Variants in CD109 observed in about 807,000 individuals in gnomAD.
CD109 encodes CD109 molecule.
Under a neutral mutation model 165.8 loss-of-function variants are expected in CD109, and 149 were observed. That is an observed-to-expected ratio of 0.90 (90% CI 0.79 to 1.03). The LOEUF is 1.03. Among genes scored for constraint, CD109 ranks in the 50% least tolerant of loss-of-function variants. CD109 has a pLI of 0.00. For synonymous variants in CD109, 585 were observed against 592.1 expected (o/e 0.99, Z 0.18); for missense variants, 1,712 against 1,677.8 (o/e 1.02, Z -0.36).
upstream of CD109, among the ~76,000 whole-genome samples, chr6:73,692,736 A>G (rs1304126769): frequency 6.6e-6 from 1 of 152,116 alleles, no homozygotes; most frequent in Admixed American, 6.6e-5. Flanking sequence ...GGTCTTTCCC[A>G]TGCTTTTCTT....
intron 26 of CD109, among the ~76,000 whole-genome samples, chr6:73,808,744 C>CA (rs1775657338): frequency 6.6e-6 from 1 of 150,976 alleles, no homozygotes; most frequent in Non-Finnish European, 1.5e-5. Flanking sequence ...ATGTGAATAC[C>CA]AAAAAATGCT....
chr6:73,823,890 G>A lies in CD109; in HGVS notation c.*257G>A. ...TCTCAAAATCTTTTAGAATTTTTTT[G>A]GAGGTGTTTGTTTTCTCCAGAATAA... On this transcript the variant is annotated 3_prime_UTR_variant, in exon 33 of 33. Coordinates refer to ENST00000287097, the MANE Select transcript of CD109 (RefSeq NM_133493.5). 1 of 310,830 alleles carries A rather than the reference G, an allele frequency of 3.2e-6. No individual in the cohort carries two copies. Among genetic ancestry groups the A allele is most frequent in the Non-Finnish European group, 5.9e-6 (1 of 169,390 alleles). 19.3% of individuals were successfully genotyped at this position (310,830 alleles called of 1,614,324 possible). A position where few individuals can be genotyped will look rare whatever the true frequency, so the allele number is the denominator to read the frequency against.
At chr6:73,711,551 T>TTTTTTTTTTTTTTTTAAGG in intron 2 of CD109, among the ~76,000 whole-genome samples, 1 of 28,042 alleles carries the variant, frequency 3.6e-5, no homozygotes, top group South Asian at 9.0e-4. Context: ...TTTTTTTTTT[T>TTTTTTTTTTTTTTTTAAGG]GAGACGGAGT....
At chr6:73,773,093 G>T (rs572711668) in intron 15 of CD109, among the ~76,000 whole-genome samples, 23 of 150,966 alleles carry the variant, frequency 1.5e-4, no homozygotes, top group African/African-American at 5.6e-4. Context: ...ATATGTGTAT[G>T]TTTGTGTGTG....
intron 24 of CD109, among the ~76,000 whole-genome samples, chr6:73,806,373 G>A (rs939657355): frequency 8.6e-5 from 13 of 150,852 alleles, no homozygotes; most frequent in Non-Finnish European, 8.9e-5. Flanking sequence ...GGGGTGGGGG[G>A]ATGGGGGAGG....
intron 21 of CD109, 33 bp from the exon 22 acceptor site, chr6:73,788,435 G>T (rs2150260634): frequency 1.3e-6 from 2 of 1,592,690 alleles, no homozygotes; most frequent in South Asian, 2.3e-5. Flanking sequence ...TGTGAGTAGA[G>T]ACCATGTTAA....
At chr6:73,753,540 C>T (rs1159083301) in intron 5 of CD109, among the ~76,000 whole-genome samples, 3 of 152,120 alleles carry the variant, frequency 2.0e-5, no homozygotes, top group Non-Finnish European at 4.4e-5. Context: ...TGCATTTTAC[C>T]ACATATGAGC....
rs1212688408 is a variant in CD109 at position 73,811,073 on chromosome 6, A to T, written c.3628A>T (p.Thr1210Ser). ...TERTNIQVTVTGPSSPSPVKF... is the reference protein window; with the variant it reads ...TERTNIQVTVSGPSSPSPVKF... ...AAGGACAAATATCCAAGTGACCGTG[A>T]CGGGGCCTAGCTCACCAAGTCCTGT... Residue 1210 changes from threonine to serine, a missense_variant, in exon 28 of 33, where the codon ACG becomes TCG. Thr to Ser is a moderately conservative substitution (Grantham distance 58). Coordinates refer to ENST00000287097, the MANE Select transcript of CD109 (RefSeq NM_133493.5). 3 of 1,613,504 alleles carry T rather than the reference A, an allele frequency of 1.9e-6. No homozygotes were observed. The South Asian group carries it at 3.3e-5, about 18-fold the overall frequency.
chr6:73,804,084 G>A (rs1045106336), intron 24 of CD109: 5 of 152,240 alleles, frequency 3.3e-5, no homozygotes, highest in African/African-American at 1.2e-4. Flanking sequence ...TTCATCCTGA[G>A]TGTATCATTT....
the CD109 span, among the ~76,000 whole-genome samples, chr6:73,687,473 C>CCCTCT: frequency 1.3e-5 from 2 of 149,510 alleles, no homozygotes; most frequent in African/African-American, 5.0e-5. Flanking sequence ...CCCTCCCCTC[C>CCCTCT]CCTCTCCTTC....
intron 23 of CD109, among the ~76,000 whole-genome samples, chr6:73,795,281 G>A: frequency 6.6e-6 from 1 of 150,414 alleles, no homozygotes. Flanking sequence ...TGTAACTCTG[G>A]CTAATCAAAT....
chr6:73,709,335 G>T (rs1300868740), intron 2 of CD109, among the ~76,000 whole-genome samples: 1 of 152,064 alleles, frequency 6.6e-6, no homozygotes, highest in East Asian at 1.9e-4. Flanking sequence ...ATTTCTGAGG[G>T]CTCTATTGTG....
chr6:73,767,250 C>T (rs1773888520), intron 13 of CD109, among the ~76,000 whole-genome samples: 1 of 152,122 alleles, frequency 6.6e-6, no homozygotes. Context: ...TTGTTCCCCT[C>T]TATGTGTCCA....
chr6:73,713,802 A>G (rs1047146648), intron 2 of CD109, among the ~76,000 whole-genome samples: 1 of 152,238 alleles, frequency 6.6e-6, no homozygotes, highest in Non-Finnish European at 1.5e-5. Context: ...TTGAAGTGCC[A>G]GAATGCTTGG....
chr6:73,802,861 G>A (rs1386977910), intron 23 of CD109, among the ~76,000 whole-genome samples: 3 of 151,864 alleles, frequency 2.0e-5, no homozygotes, highest in Non-Finnish European at 4.4e-5. Flanking sequence ...CACCATGCCC[G>A]GCTACTTTTT....
At chr6:73,755,245 T>C (rs191381280) in intron 5 of CD109, among the ~76,000 whole-genome samples, 97 of 152,362 alleles carry the variant, frequency 6.4e-4, no homozygotes, top group African/African-American at 2.1e-3. Flanking sequence ...ATAGAAGTCA[T>C]AAATATGAAG....
At position 73,825,292 on chromosome 6, in the gene CD109, A is replaced by C. The variant is rs1776236180; in HGVS notation, c.*1659A>C. The C allele has an allele frequency of 6.6e-6, 1 of 152,080 alleles. No homozygotes were observed. Among genetic ancestry groups the C allele is most frequent in the Non-Finnish European group, 1.5e-5 (1 of 68,004 alleles). The allele number at this position is 152,080 out of a possible 1,614,324, so 9.4% of individuals were successfully genotyped here. On this transcript the variant is annotated 3_prime_UTR_variant, in exon 33 of 33. Transcript: ENST00000287097. ...TTAATTTTCTTGCCTTTTTTTCTTAAGTGGGGAAAAGTTTCTAGATCTCTT... is the reference window on the plus strand; with the variant it reads ...TTAATTTTCTTGCCTTTTTTTCTTACGTGGGGAAAAGTTTCTAGATCTCTT...
In CD109 at chr6:73,823,632, G is replaced by A. The variant is rs1254465337; in HGVS notation, c.4337G>A (p.Ter1446=). Residue 1446 remains the stop codon, a stop_retained_variant, in exon 33 of 33, where the codon TGA becomes TAA. Coordinates refer to ENST00000287097, the MANE Select transcript of CD109 (RefSeq NM_133493.5). ...KLLYFMELWL[*] ...CTGTACTTTATGGAACTTTGGCTGT[G>A]ATTTATTTTTAAAGGACTCTGTGTA... The A allele has an allele frequency of 6.2e-7, 1 of 1,604,346 alleles. No homozygotes were observed. The highest frequency in any genetic ancestry group is 8.5e-7 in the Non-Finnish European group (1 of 1,173,454).
chr6:73,793,284 T>C (rs1359503948), intron 23 of CD109, among the ~76,000 whole-genome samples: 1 of 152,138 alleles, frequency 6.6e-6, no homozygotes, highest in African/African-American at 2.4e-5. Context: ...TCAGTGCATT[T>C]AAAATGATGA....
Sources: gnomAD v4.1 joint callset for allele counts (sites outside exome capture counted in the v4.1 genomes callset) on GRCh38, gnomAD v4.1.1 for gene constraint, MANE v1.5 for transcripts, NCBI Gene and HGNC (gene_info 2026-07-23, HGNC 2026-07-21) for gene names.